Variants in TBL1XR1 observed in about 807,000 individuals in gnomAD.
TBL1XR1 encodes the protein F-box-like/WD repeat-containing protein TBL1XR1.
Under a neutral mutation model 66.9 loss-of-function variants are expected in TBL1XR1, and 5 were observed. The observed-to-expected ratio is 0.07, with a 90% CI of 0.04 to 0.16. The LOEUF (loss-of-function observed/expected upper bound fraction) is 0.16. TBL1XR1 is among the 10% of genes least tolerant of loss of function. The pLI is 1.00. For synonymous variants in TBL1XR1, 210 were observed against 206.0 expected (o/e 1.02, Z -0.17); for missense variants, 238 against 623.2 (o/e 0.38, Z 6.58).
At chr3:177,055,642 G>A (rs1717712753) in intron 3 of TBL1XR1, among the ~76,000 whole-genome samples, 1 of 152,006 alleles carries the variant, frequency 6.6e-6, no homozygotes. Context: ...GTAGATTCCA[G>A]ATCACCAAGG....
intron 7 of TBL1XR1, among the ~76,000 whole-genome samples, chr3:177,049,464 G>A (rs1716756999): frequency 6.6e-6 from 1 of 152,122 alleles, no homozygotes. Context: ...CAGAATCAGA[G>A]AATTACAAGA....
intron 1 of TBL1XR1, among the ~76,000 whole-genome samples, chr3:177,135,149 ACAC>A (rs1444691697): frequency 6.8e-6 from 1 of 148,108 alleles, no homozygotes; most frequent in Non-Finnish European, 1.5e-5. Flanking sequence ...TTACAGGTGC[ACAC>A]CACCACGTCC....
At chr3:177,097,520 G>A (rs1349111615) in intron 2 of TBL1XR1, among the ~76,000 whole-genome samples, 1 of 152,048 alleles carries the variant, frequency 6.6e-6, no homozygotes. Flanking sequence ...AGTATATTCA[G>A]GAAATAAAGC....
chr3:177,153,877 CAAA>C (rs1007822226), intron 1 of TBL1XR1, among the ~76,000 whole-genome samples: 2 of 43,072 alleles, frequency 4.6e-5, no homozygotes, highest in Admixed American at 2.6e-4. Context: ...AACTCCATCT[CAAA>C]AAAAAAAAAA....
At chr3:177,172,633 A>AAGAGAGAGAGAG (rs56803746) in intron 1 of TBL1XR1, among the ~76,000 whole-genome samples, 1,737 of 117,558 alleles carry the variant, frequency 0.015, 46 homozygotes, top group African/African-American at 0.045. Context: ...AGAAAGAGAG[A>AAGAGAGAGAGAG]AGAGAGAGAG....
At chr3:177,091,111 T>C (rs1202856205) in intron 2 of TBL1XR1, 1 of 151,822 alleles carries the variant, frequency 6.6e-6, no homozygotes, top group Non-Finnish European at 1.5e-5. Context: ...TATATCAAAT[T>C]GGAGGTGGGC....
intron 1 of TBL1XR1, among the ~76,000 whole-genome samples, chr3:177,181,573 T>C (rs967635900): frequency 3.3e-5 from 5 of 150,042 alleles, no homozygotes; most frequent in Admixed American, 6.7e-5. Flanking sequence ...TTGTGATAGA[T>C]TCCATGCTAG....
rs1174517407 is a variant in TBL1XR1 at position 177,064,905 on chromosome 3, T to A, written c.58+15A>T. On this transcript the variant is annotated intron_variant, in intron 3 of 15. Coordinates refer to ENST00000457928, the MANE Select transcript of TBL1XR1 (RefSeq NM_024665.7). ...AAAATAATTTGAGGCCTATTTACTTTATAAAAGTACTCACCTGACTCTTGC... is the reference window on the plus strand; with the variant it reads ...AAAATAATTTGAGGCCTATTTACTTAATAAAAGTACTCACCTGACTCTTGC... 1 of 1,484,344 alleles carries A rather than the reference T, an allele frequency of 6.7e-7. No homozygotes were observed. Among genetic ancestry groups the A allele is most frequent in the South Asian group, 1.3e-5 (1 of 79,008 alleles). The allele number at this position is 1,484,344 out of a possible 1,614,324, so 91.9% of individuals were successfully genotyped here.
Position 177,148,939 on chromosome 3 carries a change from G to A in TBL1XR1, c.-122+48182C>T, listed in dbSNP as rs547064385. Among the ~76,000 whole-genome samples the A allele has an allele frequency of 4.0e-5, 6 of 151,832 alleles. 1 individual carries two copies. The Middle Eastern group carries it at 0.017, about 430-fold the overall frequency. On this transcript the variant is annotated intron_variant, in intron 1 of 15. Transcript: ENST00000457928. ...GAATGACTTGAACCCAGGAGGCAGA[G>A]GTTGTGGTGAGCCGAGATCACGCCA... is the stretch of plus-strand genomic sequence containing the variant.
chr3:177,048,899 T>C (rs532610958), intron 7 of TBL1XR1, among the ~76,000 whole-genome samples: 1 of 152,320 alleles, frequency 6.6e-6, no homozygotes, highest in South Asian at 2.1e-4. Context: ...ACATGGCCAG[T>C]GGACCAGGTA....
intron 14 of TBL1XR1, among the ~76,000 whole-genome samples, chr3:177,030,645 T>A (rs1713848998): frequency 6.6e-6 from 1 of 152,224 alleles, no homozygotes; most frequent in Non-Finnish European, 1.5e-5. Context: ...CATGTTCTTA[T>A]CAATTAAATC....
chr3:177,141,457 A>G (rs1010379969), intron 1 of TBL1XR1, among the ~76,000 whole-genome samples: 1 of 151,964 alleles, frequency 6.6e-6, no homozygotes, highest in Non-Finnish European at 1.5e-5. Flanking sequence ...AACAGTATGC[A>G]TATGATCTCA....
chr3:177,056,531 C>T (rs1381980062), intron 3 of TBL1XR1, among the ~76,000 whole-genome samples: 2 of 152,180 alleles, frequency 1.3e-5, no homozygotes, highest in Non-Finnish European at 2.9e-5. Flanking sequence ...TGGCACTTCT[C>T]ACTAATGTTT....
In TBL1XR1 at chr3:177,053,019, T is replaced by C. The variant is rs532997811; in HGVS notation, c.204+754A>G. Among the ~76,000 whole-genome samples the C allele has an allele frequency of 2.6e-5, 4 of 152,272 alleles. No individual in the cohort carries two copies. In the East Asian group the frequency reaches 7.7e-4, roughly 29 times the overall value. ...AAGGAGGCAGAGGCAGGACAATCGC[T>C]TGAACCCAGGAGGCGGAGGTTGCAG... On this transcript the variant is annotated intron_variant, in intron 4 of 15. Transcript: ENST00000457928.
intron 1 of TBL1XR1, among the ~76,000 whole-genome samples, chr3:177,178,352 T>A (rs1050167240): frequency 6.6e-6 from 1 of 152,148 alleles, no homozygotes; most frequent in Admixed American, 6.6e-5. Context: ...TAAGTATAAA[T>A]GTTTCTTCTG....
chr3:177,047,426 T>A (rs1198739265), intron 8 of TBL1XR1, 29 bp from the exon 9 acceptor site: 1 of 1,601,878 alleles, frequency 6.2e-7, no homozygotes, highest in Non-Finnish European at 8.5e-7. Flanking sequence ...ACATTAACAT[T>A]ATTTTAAATT....
chr3:177,071,460 T>A (rs1480105969), intron 2 of TBL1XR1, among the ~76,000 whole-genome samples: 1 of 152,130 alleles, frequency 6.6e-6, no homozygotes, highest in African/African-American at 2.4e-5. Flanking sequence ...TAACTCAGAC[T>A]AGTAAGTAAA....
At chr3:177,105,724 T>C (rs1724798763) in intron 1 of TBL1XR1, among the ~76,000 whole-genome samples, 2 of 152,054 alleles carry the variant, frequency 1.3e-5, no homozygotes, top group Admixed American at 1.3e-4. Context: ...CAGATGTAAT[T>C]GGTCTAGGGT....
At chr3:177,187,518 T>C (rs1477995635) in intron 1 of TBL1XR1, among the ~76,000 whole-genome samples, 1 of 152,134 alleles carries the variant, frequency 6.6e-6, no homozygotes, top group Non-Finnish European at 1.5e-5. Context: ...TTAATAGACA[T>C]TTATAGAAGC....
Sources: gnomAD v4.1 joint callset for allele counts (sites outside exome capture counted in the v4.1 genomes callset) on GRCh38, gnomAD v4.1.1 for gene constraint, MANE v1.5 for transcripts, NCBI Gene and HGNC (gene_info 2026-07-23, HGNC 2026-07-21) for gene names.